The following HS3ST4 variants were observed in gnomAD, a reference collection of about 807,000 sequenced individuals.
HS3ST4 encodes the protein heparan sulfate-glucosamine 3-sulfotransferase 4, also known as heparan sulfate glucosamine 3-O-sulfotransferase 4.
Under a neutral mutation model 29.2 loss-of-function variants are expected in HS3ST4, and 17 were observed. The ratio of observed to expected loss-of-function variants is 0.58; its 90% CI spans 0.40 to 0.87. HS3ST4 has a LOEUF of 0.87. Ranked by LOEUF, HS3ST4 falls within the 40% of genes least tolerant of loss-of-function variation. The pLI, the probability that HS3ST4 is intolerant of heterozygous loss-of-function variation, is 0.00. For missense variants in HS3ST4, 627 were observed against 634.5 expected (o/e 0.99, Z 0.13); for synonymous variants, 314 against 285.7 (o/e 1.10, Z -1.00).
intron 1 of HS3ST4, among the ~76,000 whole-genome samples, chr16:25,771,725 T>G (rs1487014731): frequency 6.6e-6 from 1 of 152,156 alleles, no homozygotes; most frequent in Non-Finnish European, 1.5e-5. Context: ...AGTTTATGTT[T>G]ATTGCAGTCT....
chr16:25,978,360 C>A (rs1373825499), intron 1 of HS3ST4, among the ~76,000 whole-genome samples: 2 of 152,236 alleles, frequency 1.3e-5, no homozygotes, highest in Non-Finnish European at 2.9e-5. Context: ...TCTTGGCAGG[C>A]CCTACAGTCT....
At chr16:25,962,327 G>GA (rs1968802794) in intron 1 of HS3ST4, among the ~76,000 whole-genome samples, 2 of 152,086 alleles carry the variant, frequency 1.3e-5, no homozygotes, top group Non-Finnish European at 2.9e-5. Flanking sequence ...CAAAGTGAAA[G>GA]AAAAAAGAAA....
At chr16:26,021,978 T>C (rs551485460) in intron 1 of HS3ST4, among the ~76,000 whole-genome samples, 2 of 151,912 alleles carry the variant, frequency 1.3e-5, no homozygotes, top group African/African-American at 4.8e-5. Flanking sequence ...TATTATTTTT[T>C]GGGGGACAGG....
chr16:25,864,690 T>C lies in HS3ST4; in HGVS notation c.734+171539T>C, dbSNP rs532105405. Among the ~76,000 whole-genome samples, 108 of 152,248 alleles carry C rather than the reference T, an allele frequency of 7.1e-4. 4 individuals carry two copies. In the South Asian group the frequency reaches 0.022, roughly 31 times the overall value. On this transcript the variant is annotated intron_variant, in intron 1 of 1. Coordinates refer to ENST00000331351, the MANE Select transcript of HS3ST4 (RefSeq NM_006040.3). ...CATAGTTCACGTAATATTTTCCAGG[T>C]TCATGCATGTCATCTCAAGTAACAG...
intron 1 of HS3ST4, among the ~76,000 whole-genome samples, chr16:25,772,121 A>G (rs1019430417): frequency 6.6e-6 from 1 of 152,222 alleles, no homozygotes; most frequent in African/African-American, 2.4e-5. Flanking sequence ...AGCAGGCTAG[A>G]TTTGGAACAC....
intron 1 of HS3ST4, among the ~76,000 whole-genome samples, chr16:26,098,433 A>C (rs1429782017): frequency 6.6e-6 from 1 of 152,178 alleles, no homozygotes; most frequent in African/African-American, 2.4e-5. Context: ...TGTCCTTTGC[A>C]GGGACAGGGA....
Position 25,930,146 on chromosome 16 carries a change from T to C in HS3ST4, c.735-205466T>C, listed in dbSNP as rs540420751. 6.6e-5 allele frequency among the ~76,000 whole-genome samples: 10 copies of C among 152,384 alleles called. No individual in the cohort carries two copies. In the East Asian group the frequency reaches 1.9e-3, roughly 29 times the overall value. The stretch of plus-strand genomic sequence containing the variant: ...CAAAGGACGTAGTCTTGTTCTTTTT[T>C]ATGGCTGCATAGTATTCCATGGTGT... On this transcript the variant is annotated intron_variant, in intron 1 of 1. Transcript: ENST00000331351.
At chr16:26,034,319 C>A (rs1251980630) in intron 1 of HS3ST4, among the ~76,000 whole-genome samples, 1 of 152,172 alleles carries the variant, frequency 6.6e-6, no homozygotes, top group Non-Finnish European at 1.5e-5. Context: ...ATGGCCTCTT[C>A]AGCATCTACC....
intron 1 of HS3ST4, among the ~76,000 whole-genome samples, chr16:26,027,910 C>T (rs577879105): frequency 6.6e-6 from 1 of 152,278 alleles, no homozygotes; most frequent in Non-Finnish European, 1.5e-5. Context: ...GGCTGGATTG[C>T]AGTCCATCTC....
Position 25,768,352 on chromosome 16 carries a change from A to G in HS3ST4, c.734+75201A>G, listed in dbSNP as rs150219800. On this transcript the variant is annotated intron_variant, in intron 1 of 1. Transcript: ENST00000331351. ...TCTCTTGGGGAAATCAGACTGATTC[A>G]CAGGCCCTAGTAGGGCATCTGCATT... Among the ~76,000 whole-genome samples, 6 of 152,304 alleles carry G rather than the reference A, an allele frequency of 3.9e-5. No individual in the cohort carries two copies. In the East Asian group the frequency reaches 1.2e-3, roughly 29 times the overall value.
In HS3ST4 at chr16:26,137,175, C is replaced by T. The variant is rs548748870; in HGVS notation, c.*927C>T. 1 of 152,196 alleles carries T rather than the reference C, an allele frequency of 6.6e-6. No homozygotes were observed. The highest frequency in any genetic ancestry group is 2.1e-4 in the South Asian group (1 of 4,798). 9.4% of individuals were successfully genotyped at this position (152,196 alleles called of 1,614,324 possible). On this transcript the variant is annotated 3_prime_UTR_variant, in exon 2 of 2. Coordinates refer to ENST00000331351, the MANE Select transcript of HS3ST4 (RefSeq NM_006040.3). ...TTACCTGAAGACCATCTCTCCCAAGCACTGTAGTTCTGAGCATGTTTTTGG... is the reference window on the plus strand; with the variant it reads ...TTACCTGAAGACCATCTCTCCCAAGTACTGTAGTTCTGAGCATGTTTTTGG...
intron 1 of HS3ST4, among the ~76,000 whole-genome samples, chr16:26,101,645 C>A (rs375186880): frequency 1.8e-4 from 27 of 152,282 alleles, no homozygotes; most frequent in African/African-American, 6.5e-4. Flanking sequence ...CACTTATATG[C>A]ATAGTATCTG....
At chr16:26,027,457 A>G (rs116959707) in intron 1 of HS3ST4, among the ~76,000 whole-genome samples, 3,577 of 152,270 alleles carry the variant, frequency 0.023, 76 homozygotes, top group Non-Finnish European at 0.036. Flanking sequence ...AACATTGTCT[A>G]CTTTGTCATG....
intron 1 of HS3ST4, among the ~76,000 whole-genome samples, chr16:25,878,624 T>C (rs9936447): frequency 0.56 from 85,816 of 151,958 alleles, 24,986 homozygotes; most frequent in Non-Finnish European, 0.63. Context: ...GCTTCCCCAT[T>C]AAGGACTTGT....
chr16:25,974,688 A>G (rs2141708127), intron 1 of HS3ST4, among the ~76,000 whole-genome samples: 1 of 152,354 alleles, frequency 6.6e-6, no homozygotes, highest in South Asian at 2.1e-4. Flanking sequence ...ACCAAGCATG[A>G]TAAGCAATTT....
chr16:25,755,604 T>G (rs1385420393), intron 1 of HS3ST4, among the ~76,000 whole-genome samples: 1 of 152,194 alleles, frequency 6.6e-6, no homozygotes, highest in Non-Finnish European at 1.5e-5. Flanking sequence ...AGGTGTGCTT[T>G]CTTTACCTTG....
intron 1 of HS3ST4, among the ~76,000 whole-genome samples, chr16:25,991,804 A>G (rs1969116203): frequency 1.3e-5 from 2 of 152,038 alleles, no homozygotes; most frequent in South Asian, 4.1e-4. Flanking sequence ...GGTGGATCAC[A>G]AGGTCAGGAG....
At position 25,781,120 on chromosome 16, in the gene HS3ST4, C is replaced by T. The variant is rs148285256; in HGVS notation, c.734+87969C>T. 3.5e-3 allele frequency among the ~76,000 whole-genome samples: 532 copies of T among 152,294 alleles called. 6 individuals are homozygous for T. The highest frequency in any genetic ancestry group is 0.012 in the African/African-American group (509 of 41,540). The stretch of plus-strand genomic sequence containing the variant: ...GTTATAAAAGGGAAGTGGTTGACTT[C>T]TCTCTGTCTTCTACCTCACCTACCT... On this transcript the variant is annotated intron_variant, in intron 1 of 1. Coordinates refer to ENST00000331351, the MANE Select transcript of HS3ST4 (RefSeq NM_006040.3).
intron 1 of HS3ST4, among the ~76,000 whole-genome samples, chr16:25,985,539 A>G (rs377642254): frequency 2.0e-5 from 3 of 152,160 alleles, no homozygotes; most frequent in African/African-American, 7.2e-5. Flanking sequence ...AGCTTCCATA[A>G]TACAATACAG....
Sources: gnomAD v4.1 joint callset for allele counts (sites outside exome capture counted in the v4.1 genomes callset) on GRCh38, gnomAD v4.1.1 for gene constraint, MANE v1.5 for transcripts, NCBI Gene and HGNC (gene_info 2026-07-23, HGNC 2026-07-21) for gene names.